ABCC8: variants seen among roughly 807,000 people sequenced by gnomAD.
ABCC8 encodes the protein ATP binding cassette subfamily C member 8, also known as ATP-binding cassette sub-family C member 8.
In ABCC8, 137 loss-of-function variants were observed where a neutral mutation model predicts 188.0. The observed-to-expected ratio is 0.73, with a 90% CI of 0.63 to 0.84. The LOEUF (loss-of-function observed/expected upper bound fraction) is 0.84. ABCC8 is among the 40% of genes least tolerant of loss of function. The pLI is 0.00. For missense variants in ABCC8, 1,750 were observed against 2,072.7 expected, an observed-to-expected ratio of 0.84 and a Z score of 3.02; for synonymous variants, 797 against 846.5, an observed-to-expected ratio of 0.94 and a Z score of 1.01.
intron 33 of ABCC8, 183 bp downstream of exon 33, chr11:17,396,733 G>A: frequency 1.4e-6 from 1 of 727,736 alleles, no homozygotes. Context: ...ACTGGGGGAA[G>A]GCAATAGAAG....
rs1478891306 is a variant in ABCC8 at position 17,404,092 on chromosome 11, C to G, written c.3557+420G>C. 6.6e-6 allele frequency among the ~76,000 whole-genome samples: 1 copy of G among 152,180 alleles called. No individual in the cohort carries two copies. The highest frequency in any genetic ancestry group is 2.4e-5 in the African/African-American group (1 of 41,430). On this transcript the variant is annotated intron_variant, in intron 28 of 38. Transcript: ENST00000389817. This position sits in a 1 kb window ranked among gnomAD's most constrained non-coding sequence, Gnocchi z 4.7. ...CCTCAAGTCAAGGCTTACAGCTACACTCTGGACTCACGTGGGCTGGGAGGT... is the reference window on the plus strand; with the variant it reads ...CCTCAAGTCAAGGCTTACAGCTACAGTCTGGACTCACGTGGGCTGGGAGGT...
At chr11:17,403,516 T>C (rs376782232) in intron 28 of ABCC8, among the ~76,000 whole-genome samples, 1 of 152,152 alleles carries the variant, frequency 6.6e-6, no homozygotes. Context: ...TTCTGGATCA[T>C]CCAAGCAAAA....
At chr11:17,411,862 T>G (rs755390305) in intron 21 of ABCC8, among the ~76,000 whole-genome samples, 2 of 151,722 alleles carry the variant, frequency 1.3e-5, no homozygotes, top group Non-Finnish European at 2.9e-5. Flanking sequence ...GAACTTGACA[T>G]GAAGTAGTGT....
At chr11:17,453,410 G>A (rs563502079) in intron 6 of ABCC8, 127 bp from the exon 7 acceptor site, 6 of 1,318,388 alleles carry the variant, frequency 4.6e-6, no homozygotes, top group Admixed American at 4.3e-5. Context: ...GCAAAGGCTT[G>A]TGCAATTGTT....
intron 37 of ABCC8, 52 bp downstream of exon 37, chr11:17,394,214 C>G (rs1369698912): frequency 6.3e-7 from 1 of 1,593,370 alleles, no homozygotes; most frequent in Non-Finnish European, 8.6e-7. Context: ...TCCCTAGCAT[C>G]CCACTAAACC....
At chr11:17,423,229 C>T (rs1195906538) in intron 16 of ABCC8, among the ~76,000 whole-genome samples, 1 of 151,826 alleles carries the variant, frequency 6.6e-6, no homozygotes, top group African/African-American at 2.4e-5. Flanking sequence ...TGGTGGTGTA[C>T]ACCTGTAGTC....
Position 17,471,952 on chromosome 11 carries a change from T to G in ABCC8, c.291-1730A>C, listed in dbSNP as rs574022299. Among the ~76,000 whole-genome samples the G allele has an allele frequency of 7.9e-5, 12 of 152,344 alleles. No homozygotes were observed. In the South Asian group the frequency reaches 2.1e-3, roughly 26 times the overall value. On this transcript the variant is annotated intron_variant, in intron 2 of 38. Coordinates refer to ENST00000389817, the MANE Select transcript of ABCC8 (RefSeq NM_000352.6). ...GACAGACAAGGCCAGAGAGCAGTCA[T>G]GAATGGCAACACTGGGCACAGCCAA...
rs187524578 is a variant in ABCC8, at chr11:17,397,373, C to G, written c.3868-60G>C. On this transcript the variant is annotated intron_variant, in intron 31 of 38. Coordinates refer to ENST00000389817, the MANE Select transcript of ABCC8 (RefSeq NM_000352.6). Reference sequence around the variant, plus strand: ...GTCGCTTAGTTCTGTCCTCAGCCACCAGAATGGCTCTTCTTAAGGCTGGAG... The same window carrying G: ...GTCGCTTAGTTCTGTCCTCAGCCACGAGAATGGCTCTTCTTAAGGCTGGAG... 2.2e-4 allele frequency: 358 copies of G among 1,601,102 alleles called. 1 individual carries two copies. The East Asian group carries it at 5.3e-3, about 24-fold the overall frequency.
chr11:17,393,210 C>T lies in ABCC8; in HGVS notation c.4609-82G>A, dbSNP rs41282912. The T allele has an allele frequency of 0.26, 416,863 of 1,581,086 alleles. 60,888 individuals are homozygous for T. The highest frequency in any genetic ancestry group is 0.3 in the Non-Finnish European group (352,889 of 1,160,184). ...GCCACAGCTGAGGGTGGCCCTCCTG[C>T]GGCTTGGAGGAGGAGGATGAGGCAT... On this transcript the variant is annotated intron_variant, in intron 38 of 38. Transcript: ENST00000389817.
At chr11:17,414,660 C>G (rs760499688) in intron 18 of ABCC8, 50 bp from the exon 19 acceptor site, 1 of 1,610,620 alleles carries the variant, frequency 6.2e-7, no homozygotes, top group Non-Finnish European at 8.5e-7. Context: ...TTCTCAGGGG[C>G]TTGTTCTCAG....
At chr11:17,439,747 G>A (rs780752983) in intron 10 of ABCC8, among the ~76,000 whole-genome samples, 1 of 152,152 alleles carries the variant, frequency 6.6e-6, no homozygotes, top group Non-Finnish European at 1.5e-5. Context: ...GACCAACCTG[G>A]GCTGCTCTGT....
chr11:17,469,470 G>C (rs1006190155), intron 3 of ABCC8, among the ~76,000 whole-genome samples: 4 of 152,008 alleles, frequency 2.6e-5, no homozygotes, highest in Admixed American at 1.3e-4. Flanking sequence ...CCCCATGAAA[G>C]CCCAACTTGA....
At chr11:17,469,971 G>T in intron 3 of ABCC8, 130 bp downstream of exon 3, 1 of 1,184,234 alleles carries the variant, frequency 8.4e-7, no homozygotes, top group Non-Finnish European at 1.2e-6. Flanking sequence ...CATGAAGGCA[G>T]GGATTTTTTT....
rs1490883778 is a variant in ABCC8, at chr11:17,404,687, G to T, written c.3400-18C>A. On this transcript the variant is annotated intron_variant, in intron 27 of 38. Transcript: ENST00000389817. The surrounding 1 kb of genome is among the most constrained non-coding windows in gnomAD (Gnocchi z 4.7). ...GGGATGTGCTGAGGGAGACGAGGGG[G>T]AGAGAGTGAGGTGAATTTTGGTATT... 5.7e-6 allele frequency: 9 copies of T among 1,590,462 alleles called. No individual in the cohort carries two copies. The highest frequency in any genetic ancestry group is 7.7e-6 in the Non-Finnish European group (9 of 1,168,790).
At chr11:17,397,823 G>C in intron 30 of ABCC8, 26 bp from the exon 31 acceptor site, 1 of 1,612,354 alleles carries the variant, frequency 6.2e-7, no homozygotes, top group South Asian at 1.1e-5. Context: ...AGCTGACCTG[G>C]GCGCTCAGGG....
rs1318062498 is a variant in ABCC8 at position 17,415,306 on chromosome 11, G to C, written c.2289C>G (p.Ile763Met). 6.2e-7 allele frequency: 1 copy of C among 1,609,652 alleles called. No individual in the cohort carries two copies. The highest frequency in any genetic ancestry group is 1.1e-5 in the South Asian group (1 of 89,282). Residue 763 changes from isoleucine to methionine, a missense_variant and splice_region_variant, in exon 18 of 39, where the codon ATC becomes ATG. Transcript: ENST00000389817. Reference protein sequence around the residue: ...PERETATDLDIRKRGPVAYAS... With the variant: ...PERETATDLDMRKRGPVAYAS... ...GCAATGTTCCCAGGACGCAGTACCT[G>C]ATATCCAAGTCGGTCGCTGTCTCCC...
intron 1 of ABCC8, among the ~76,000 whole-genome samples, chr11:17,475,652 GTA>G (rs1848721685): frequency 6.6e-6 from 1 of 152,164 alleles, no homozygotes. Flanking sequence ...CACATATTTT[GTA>G]TGTTTTATTT....
intron 21 of ABCC8, among the ~76,000 whole-genome samples, chr11:17,411,169 C>G (rs947927844): frequency 6.6e-6 from 1 of 152,236 alleles, no homozygotes; most frequent in Admixed American, 6.5e-5. Context: ...CTGACCCCCA[C>G]GCCTACCCTT....
chr11:17,475,916 A>G (rs1848739801), intron 1 of ABCC8, among the ~76,000 whole-genome samples: 1 of 152,220 alleles, frequency 6.6e-6, no homozygotes, highest in African/African-American at 2.4e-5. Flanking sequence ...GTGGAGAGGC[A>G]CGCACGATTG....
Sources: allele counts gnomAD v4.1 joint callset (sites outside exome capture counted in the v4.1 genomes callset), GRCh38; gene constraint gnomAD v4.1.1; non-coding constraint Gnocchi (gnomAD v3.1); transcripts MANE v1.5; gene names NCBI Gene and HGNC (gene_info 2026-07-23, HGNC 2026-07-21).